Variants in GMPS observed in about 807,000 individuals in gnomAD.
GMPS encodes GMP synthase [glutamine-hydrolyzing].
In GMPS, 15 loss-of-function variants were observed where a neutral mutation model predicts 77.9. The observed-to-expected ratio is 0.19, with a 90% CI of 0.13 to 0.30. The LOEUF is 0.30. Among genes scored for constraint, GMPS ranks in the 10% least tolerant of loss-of-function variants. GMPS has a pLI of 1.00. For missense variants in GMPS, 590 were observed against 838.8 expected (o/e 0.70, Z 3.66); for synonymous variants, 224 against 275.9 (o/e 0.81, Z 1.86).
At chr3:155,888,256 G>A (rs557001060) in intron 1 of GMPS, among the ~76,000 whole-genome samples, 1 of 150,204 alleles carries the variant, frequency 6.7e-6, no homozygotes, top group Non-Finnish European at 1.5e-5. Context: ...GTATGTTTTA[G>A]GGTTGGTCGT....
intron 1 of GMPS, among the ~76,000 whole-genome samples, chr3:155,893,012 A>G (rs2108073070): frequency 1.3e-5 from 2 of 152,318 alleles, no homozygotes; most frequent in South Asian, 4.1e-4. Flanking sequence ...AAAAAATCCT[A>G]ACAGTGAATT....
chr3:155,922,452 A>T (rs1039690804), intron 11 of GMPS, 150 bp downstream of exon 11: 3 of 478,360 alleles, frequency 6.3e-6, no homozygotes, highest in African/African-American at 6.1e-5. Flanking sequence ...TTCCACAGAT[A>T]TTCTTATATG....
At chr3:155,897,829 G>A in intron 2 of GMPS, 98 bp from the exon 3 acceptor site, 1 of 666,370 alleles carries the variant, frequency 1.5e-6, no homozygotes, top group East Asian at 2.5e-5. Flanking sequence ...GCAATTTCTG[G>A]ATCTGTGTTG....
chr3:155,925,135 A>G, intron 11 of GMPS, 106 bp from the exon 12 acceptor site: 2 of 959,964 alleles, frequency 2.1e-6, no homozygotes, highest in Non-Finnish European at 3.1e-6. Flanking sequence ...TACCAAATAC[A>G]ATCCACTGCT....
At chr3:155,919,794 A>G (rs1755271100) in intron 10 of GMPS, among the ~76,000 whole-genome samples, 1 of 152,196 alleles carries the variant, frequency 6.6e-6, no homozygotes, top group Non-Finnish European at 1.5e-5. Context: ...CTGTGCAGAG[A>G]ATTCCTGGCA....
chr3:155,892,194 G>T (rs952910450), intron 1 of GMPS, among the ~76,000 whole-genome samples: 2 of 151,776 alleles, frequency 1.3e-5, no homozygotes, highest in African/African-American at 4.8e-5. Flanking sequence ...TAATATTTTG[G>T]TGTATGGCCA....
At position 155,916,061 on chromosome 3, in the gene GMPS, G is replaced by A. The variant is rs1755169698; in HGVS notation, c.1081G>A (p.Glu361Lys). The stretch of plus-strand genomic sequence containing the variant: ...TGGAGAAATGAACTTGAAACCAGAG[G>A]AGGTTTTCCTTGCCCAAGGTACTTT... Reference protein sequence around the residue: ...VIGEMNLKPEEVFLAQGTLRP... With the variant: ...VIGEMNLKPEKVFLAQGTLRP... The change falls in exon 9 of 16, where the codon GAG becomes AAG. Residue 361 changes from glutamate to lysine, a missense_variant. Glu to Lys is a moderately conservative substitution (Grantham distance 56, BLOSUM62 1). Around this residue, in one of 6 missense-constraint regions of GMPS, gnomAD observed 181 missense variants for 186.8 expected, o/e 0.97. Transcript: ENST00000496455. 7 of 1,613,460 alleles carry A rather than the reference G, an allele frequency of 4.3e-6. No homozygotes were observed. The highest frequency in any genetic ancestry group is 4.2e-6 in the Non-Finnish European group (5 of 1,179,464).
Position 155,940,028 on chromosome 3 carries a change from G to C in GMPS, c.*2336G>C. On this transcript the variant is annotated 3_prime_UTR_variant, in exon 16 of 16. Transcript: ENST00000496455. ...CCTAAAATTATATAAACATTTATGG[G>C]ATGCTTATTTTACTAAGACTAGAAT... 4.8e-6 allele frequency: 1 copy of C among 208,440 alleles called. No individual in the cohort carries two copies. Among genetic ancestry groups the C allele is most frequent in the East Asian group, 7.3e-5 (1 of 13,708 alleles). 12.9% of individuals were successfully genotyped at this position (208,440 alleles called of 1,614,324 possible). A position where few individuals can be genotyped will look rare whatever the true frequency, so the allele number is the denominator to read the frequency against.
chr3:155,899,189 G>T (rs1754672293), intron 3 of GMPS, among the ~76,000 whole-genome samples: 1 of 152,088 alleles, frequency 6.6e-6, no homozygotes, highest in Non-Finnish European at 1.5e-5. Flanking sequence ...CCAACATGGA[G>T]AAACCCCCGT....
At chr3:155,889,073 A>G (rs7636930) in intron 1 of GMPS, among the ~76,000 whole-genome samples, 17,943 of 152,078 alleles carry the variant, frequency 0.12, 1,322 homozygotes, top group Admixed American at 0.24. Context: ...TTTAACTTCT[A>G]TACTTTGTTT....
Position 155,922,395 on chromosome 3 carries a change from T to G in GMPS, c.1434+93T>G, listed in dbSNP as rs1446543768. 8 of 548,708 alleles carry G rather than the reference T, an allele frequency of 1.5e-5. No homozygotes were observed. The East Asian group carries it at 2.7e-4, about 18-fold the overall frequency. 34.0% of individuals were successfully genotyped at this position (548,708 alleles called of 1,614,324 possible). On this transcript the variant is annotated intron_variant, in intron 11 of 15. Coordinates refer to ENST00000496455, the MANE Select transcript of GMPS (RefSeq NM_003875.3). The stretch of plus-strand genomic sequence containing the variant: ...ATGAATTTTTTAGGGTTTTATTATT[T>G]GAAAATTTGGTGTAATATAACCTTT...
intron 3 of GMPS, among the ~76,000 whole-genome samples, chr3:155,899,967 G>T (rs1382805262): frequency 2.0e-5 from 3 of 152,144 alleles, no homozygotes; most frequent in African/African-American, 7.2e-5. Flanking sequence ...TTGTATGGAG[G>T]TATCACAGTT....
rs1755261199 is a variant in GMPS, at chr3:155,919,306, C to T, written c.1286C>T (p.Pro429Leu). Reference protein sequence around the residue: ...VRILGRELGLPEELVSRHPFP... With the variant: ...VRILGRELGLLEELVSRHPFP... ...ATTTTGGGCAGAGAACTTGGACTTC[C>T]AGAAGAGTTAGTTTCCAGGCATCCA... Residue 429 changes from proline to leucine, a missense_variant, in exon 10 of 16, where the codon CCA (proline) becomes CTA (leucine). Coordinates refer to ENST00000496455, the MANE Select transcript of GMPS (RefSeq NM_003875.3). The T allele has an allele frequency of 6.3e-7, 1 of 1,591,276 alleles. No individual in the cohort carries two copies. The highest frequency in any genetic ancestry group is 8.6e-7 in the Non-Finnish European group (1 of 1,164,832).
chr3:155,907,314 G>A (rs1754918499), intron 5 of GMPS, among the ~76,000 whole-genome samples: 1 of 152,178 alleles, frequency 6.6e-6, no homozygotes, highest in African/African-American at 2.4e-5. Flanking sequence ...GCCAGGTGCG[G>A]TGGCTCTCAC....
chr3:155,870,493 A>T (rs957152665), upstream of GMPS: 1 of 206,210 alleles, frequency 4.8e-6, no homozygotes, highest in African/African-American at 2.3e-5. Flanking sequence ...GCCGGCGGGG[A>T]CCGGGCTGGG....
intron 9 of GMPS, among the ~76,000 whole-genome samples, chr3:155,917,457 C>A (rs1258030770): frequency 6.6e-6 from 1 of 152,210 alleles, no homozygotes; most frequent in Non-Finnish European, 1.5e-5. Context: ...CTATGTTTCA[C>A]TACTTTAAAT....
chr3:155,871,548 G>A (rs557953681), intron 1 of GMPS, among the ~76,000 whole-genome samples: 1 of 152,096 alleles, frequency 6.6e-6, no homozygotes, highest in African/African-American at 2.4e-5. Context: ...CCCGCGTGAG[G>A]GCTGGTGGCC....
chr3:155,910,865 G>A lies in GMPS; in HGVS notation c.700G>A (p.Val234Ile), dbSNP rs768592937. The change falls in exon 6 of 16, where the codon GTA (valine) becomes ATA (isoleucine). Residue 234 changes from valine to isoleucine, a missense_variant. Val to Ile is a conservative substitution (Grantham distance 29). This residue lies in a region of GMPS where 181 missense variants were observed against 186.8 expected (regional missense o/e 0.97). Transcript: ENST00000496455. Reference sequence around the variant, plus strand: ...GTGTATTCGAGAGATCAAAGAGAGAGTAGGCACGTCAAAAGTTTTGGTAAG... The same window carrying A: ...GTGTATTCGAGAGATCAAAGAGAGAATAGGCACGTCAAAAGTTTTGGTAAG... ...LECIREIKER[V>I]GTSKVLVLLS... The A allele has an allele frequency of 1.3e-5, 20 of 1,582,842 alleles. No individual in the cohort carries two copies. Among genetic ancestry groups the A allele is most frequent in the Non-Finnish European group, 1.7e-5 (20 of 1,169,768 alleles).
chr3:155,888,157 C>T (rs1029396780), intron 1 of GMPS, among the ~76,000 whole-genome samples: 5 of 151,236 alleles, frequency 3.3e-5, no homozygotes, highest in African/African-American at 9.7e-5. Context: ...AGTAATCCCC[C>T]CTCCTTAGCC....
Sources: gnomAD v4.1 joint callset for allele counts (sites outside exome capture counted in the v4.1 genomes callset) on GRCh38, gnomAD v4.1.1 for gene constraint, gnomAD v4.1.1 regional missense constraint, MANE v1.5 for transcripts, NCBI Gene and HGNC (gene_info 2026-07-23, HGNC 2026-07-21) for gene names.